The following VPS72 variants were observed in gnomAD, a reference collection of about 807,000 sequenced individuals.
VPS72 encodes vacuolar protein sorting-associated protein 72 homolog.
In VPS72, 27 loss-of-function variants were observed where a neutral mutation model predicts 38.9. The observed-to-expected ratio is 0.69, with a 90% CI of 0.51 to 0.96. VPS72 has a LOEUF of 0.96. Ranked by LOEUF, VPS72 falls within the 40% of genes least tolerant of loss-of-function variation. The pLI is 0.00. For synonymous variants in VPS72, 173 were observed against 186.3 expected (o/e 0.93, Z 0.58); for missense variants, 360 against 479.5 (o/e 0.75, Z 2.33).
intron 1 of VPS72, among the ~76,000 whole-genome samples, chr1:151,187,221 A>G (rs1487055902): frequency 6.6e-6 from 1 of 152,118 alleles, no homozygotes; most frequent in African/African-American, 2.4e-5. Context: ...AAGGGAAAAA[A>G]GCCACTTGAG....
intron 3 of VPS72, among the ~76,000 whole-genome samples, chr1:151,184,943 T>C (rs1019982491): frequency 1.3e-5 from 2 of 152,164 alleles, no homozygotes; most frequent in African/African-American, 2.4e-5. Context: ...TCATGTATCT[T>C]TTACCCCATC....
chr1:151,188,946 C>T (rs1194583372), intron 1 of VPS72, among the ~76,000 whole-genome samples: 6 of 152,316 alleles, frequency 3.9e-5, no homozygotes, highest in Non-Finnish European at 4.4e-5. Context: ...TTCTCTGCCT[C>T]AGCCTCCTGA....
At chr1:151,185,135 T>C (rs1265068761) in intron 3 of VPS72, among the ~76,000 whole-genome samples, 1 of 152,082 alleles carries the variant, frequency 6.6e-6, no homozygotes, top group Non-Finnish European at 1.5e-5. Flanking sequence ...GTAAATTTTT[T>C]CTTCTTTTTA....
In VPS72 at chr1:151,185,920, G is replaced by A. The variant is rs1371538256; in HGVS notation, c.148C>T (p.Gln50Ter). The A allele has an allele frequency of 3.1e-6, 5 of 1,614,070 alleles. No individual in the cohort carries two copies. Among genetic ancestry groups the A allele is most frequent in the Non-Finnish European group, 3.4e-6 (4 of 1,180,016 alleles). Reference protein sequence around the residue: ...ESGDDEYQGDQSDTEDEVDSD... With the variant: ...ESGDDEYQGD ...TCCACTTCGTCCTCTGTGTCTGACT[G>A]GTCCCCTTGATACTCATCATCTCCG... Residue 50 changes from glutamine (Q) to a stop codon, truncating the protein, a stop_gained, in exon 2 of 6, where the codon CAG (glutamine) becomes TAG (stop). Coordinates refer to ENST00000368892, the MANE Select transcript of VPS72 (RefSeq NM_005997.3). LOFTEE classifies it high-confidence loss of function.
chr1:151,190,126 C>T lies in VPS72; in HGVS notation c.-5G>A. 6.2e-7 allele frequency: 1 copy of T among 1,612,768 alleles called. No individual in the cohort carries two copies. Among genetic ancestry groups the T allele is most frequent in the Non-Finnish European group, 8.5e-7 (1 of 1,179,996 alleles). ...CCGGCCCCCAGCCAAACTCATACCG[C>T]CTACCGAGACTGCGCCGCCACCTGC... On this transcript the variant is annotated 5_prime_UTR_variant, in exon 1 of 6. Transcript: ENST00000368892.
chr1:151,186,297 G>A (rs1684347009), intron 1 of VPS72, among the ~76,000 whole-genome samples: 1 of 151,088 alleles, frequency 6.6e-6, no homozygotes, highest in Non-Finnish European at 1.5e-5. Context: ...GGTGGCTCAC[G>A]CCTGTAATCC....
In VPS72 at chr1:151,177,796, C is replaced by T. The variant is rs587634722; in HGVS notation, c.707+205G>A. Among the ~76,000 whole-genome samples, 32 of 150,402 alleles carry T rather than the reference C, an allele frequency of 2.1e-4. No homozygotes were observed. The South Asian group carries it at 6.6e-3, about 31-fold the overall frequency. Reference sequence around the variant, plus strand: ...AGGTGGAGGTTGCAGTGAGCCGAGACTGCACCACTGCATTCCAGCCTAGGT... The same window carrying T: ...AGGTGGAGGTTGCAGTGAGCCGAGATTGCACCACTGCATTCCAGCCTAGGT... On this transcript the variant is annotated intron_variant, in intron 5 of 5. Transcript: ENST00000368892.
Position 151,176,824 on chromosome 1 carries a change from A to T in VPS72, c.915T>A (p.Val305=). 1 of 1,614,190 alleles carries T rather than the reference A, an allele frequency of 6.2e-7. No homozygotes were observed. Among genetic ancestry groups the T allele is most frequent in the Non-Finnish European group, 8.5e-7 (1 of 1,180,038 alleles). ...GAGCAGTGGCATAGGGTATGTCTGTAACAGGGTCCCGGTATAGGGCTGGAC... is the reference window on the plus strand; with the variant it reads ...GAGCAGTGGCATAGGGTATGTCTGTTACAGGGTCCCGGTATAGGGCTGGAC... The part of the protein sequence containing the change: ...THRPALYRDP[V]TDIPYATARA... The change falls in exon 6 of 6, where the codon GTT becomes GTA. Residue 305 remains valine, a synonymous_variant. Coordinates refer to ENST00000368892, the MANE Select transcript of VPS72 (RefSeq NM_005997.3).
intron 1 of VPS72, among the ~76,000 whole-genome samples, chr1:151,187,390 C>A (rs1445282300): frequency 6.6e-6 from 1 of 152,196 alleles, no homozygotes; most frequent in Non-Finnish European, 1.5e-5. Context: ...CAATTTTGCA[C>A]TGATGACCAT....
Position 151,180,490 on chromosome 1 carries a change from T to C in VPS72, c.563-2345A>G, listed in dbSNP as rs115085143. Among the ~76,000 whole-genome samples, 798 of 151,562 alleles carry C rather than the reference T, an allele frequency of 5.3e-3. 3 individuals carry two copies. Among genetic ancestry groups the C allele is most frequent in the Non-Finnish European group, 7.6e-3 (519 of 67,870 alleles). ...GTCTTGCTCTGTCGCCAGGTTGGAGTACAGTGGCACAATCTCGGCTCCCTG... is the reference window on the plus strand; with the variant it reads ...GTCTTGCTCTGTCGCCAGGTTGGAGCACAGTGGCACAATCTCGGCTCCCTG... On this transcript the variant is annotated intron_variant, in intron 4 of 5. Coordinates refer to ENST00000368892, the MANE Select transcript of VPS72 (RefSeq NM_005997.3).
chr1:151,189,855 C>T, intron 1 of VPS72, 150 bp downstream of exon 1: 6 of 887,244 alleles, frequency 6.8e-6, no homozygotes, highest in Middle Eastern at 2.8e-4. Context: ...TCCCCCGCCT[C>T]GCCCCCCGGC....
Position 151,184,354 on chromosome 1 carries a change from C to G in VPS72, c.525G>C (p.Glu175Asp). The change falls in exon 4 of 6, where the codon GAG becomes GAC. Residue 175 changes from glutamate (E) to aspartate (D), a missense_variant. This residue lies in a region of VPS72 where 294 missense variants were observed against 356.3 expected (regional missense o/e 0.83). Transcript: ENST00000368892. Reference sequence around the variant, plus strand: ...AATTAAGCTCTTCTGTGATCTTGGCCTCCCGGAGCAGTTCCTCCTGGGTTA... The same window carrying G: ...AATTAAGCTCTTCTGTGATCTTGGCGTCCCGGAGCAGTTCCTCCTGGGTTA... ...RPLTQEELLR[E>D]AKITEELNLR... The G allele has an allele frequency of 1.9e-6, 3 of 1,614,052 alleles. No homozygotes were observed. Among genetic ancestry groups the G allele is most frequent in the Non-Finnish European group, 2.5e-6 (3 of 1,180,018 alleles).
chr1:151,185,403 G>T, intron 3 of VPS72, 103 bp downstream of exon 3: 1 of 1,166,434 alleles, frequency 8.6e-7, no homozygotes, highest in Non-Finnish European at 1.3e-6. Flanking sequence ...TGGGATTCTA[G>T]GAGTGAGCCA....
At chr1:151,177,955 AC>A in intron 5 of VPS72, 45 bp downstream of exon 5, 1 of 1,595,720 alleles carries the variant, frequency 6.3e-7, no homozygotes, top group Non-Finnish European at 8.6e-7. Flanking sequence ...GGCCAAGAGA[AC>A]ATGAGCTGAA....
At chr1:151,187,486 C>T (rs1684377213) in intron 1 of VPS72, among the ~76,000 whole-genome samples, 1 of 152,194 alleles carries the variant, frequency 6.6e-6, no homozygotes, top group South Asian at 2.1e-4. Context: ...GCCATATCAC[C>T]AGAGGGTAGT....
At chr1:151,185,448 TATG>T (rs1310182823) in intron 3 of VPS72, 55 bp downstream of exon 3, 3 of 1,520,118 alleles carry the variant, frequency 2.0e-6, no homozygotes, top group Admixed American at 1.7e-5. Context: ...TTAACACTGA[TATG>T]ATACTTTATT....
chr1:151,178,587 CCA>C lies in VPS72; in HGVS notation c.563-444_563-443del, dbSNP rs111761327. Among the ~76,000 whole-genome samples, 665 of 152,132 alleles carry C rather than the reference CCA, an allele frequency of 4.4e-3. 6 individuals carry two copies. Among genetic ancestry groups the C allele is most frequent in the African/African-American group, 0.015 (631 of 41,506 alleles). ...GAGGTTGCAGTGAGCTGAGATGGCA[CCA>C]CATTGCACTCCAGCCTAGGCAGCAG... On this transcript the variant is annotated intron_variant, in intron 4 of 5. Transcript: ENST00000368892.
At chr1:151,189,723 C>G (rs1209786496) in intron 1 of VPS72, among the ~76,000 whole-genome samples, 1 of 152,100 alleles carries the variant, frequency 6.6e-6, no homozygotes, top group African/African-American at 2.4e-5. Context: ...GATGCAACCA[C>G]GCAAGTATAC....
chr1:151,183,826 TGAA>T (rs1684290053), intron 4 of VPS72, among the ~76,000 whole-genome samples: 1 of 152,002 alleles, frequency 6.6e-6, no homozygotes, highest in African/African-American at 2.4e-5. Flanking sequence ...ATTTATCTCA[TGAA>T]GGACTAATCT....
Sources: gnomAD v4.1 joint callset for allele counts (sites outside exome capture counted in the v4.1 genomes callset) on GRCh38, gnomAD v4.1.1 for gene constraint, gnomAD v4.1.1 regional missense constraint, MANE v1.5 for transcripts, NCBI Gene and HGNC (gene_info 2026-07-23, HGNC 2026-07-21) for gene names.